The following NELL1 variants were observed in gnomAD, a reference collection of about 807,000 sequenced individuals.
NELL1 encodes neural EGFL like 1, also known as protein kinase C-binding protein NELL1.
Under a neutral mutation model 107.4 loss-of-function variants are expected in NELL1, and 76 were observed. The ratio of observed to expected loss-of-function variants is 0.71; its 90% CI spans 0.59 to 0.86. NELL1 has a LOEUF of 0.86. Among genes scored for constraint, NELL1 ranks in the 40% least tolerant of loss-of-function variants. The pLI, the probability that NELL1 is intolerant of heterozygous loss-of-function variation, is 0.00. For synonymous variants in NELL1, 353 were observed against 341.2 expected (o/e 1.03, Z -0.38); for missense variants, 1,024 against 1,005.5 (o/e 1.02, Z -0.25).
chr11:20,934,859 A>G (rs1162552523), intron 9 of NELL1, among the ~76,000 whole-genome samples: 1 of 152,208 alleles, frequency 6.6e-6, no homozygotes, highest in African/African-American at 2.4e-5. Context: ...CAACTGATTT[A>G]TCTACAAAAT....
intron 15 of NELL1, among the ~76,000 whole-genome samples, chr11:21,392,591 C>G (rs989406336): frequency 6.6e-6 from 1 of 151,722 alleles, no homozygotes; most frequent in Non-Finnish European, 1.5e-5. Context: ...GTATCTTTAA[C>G]CAAAAGCTAG....
intron 4 of NELL1, among the ~76,000 whole-genome samples, chr11:20,852,907 G>A (rs972428321): frequency 1.3e-5 from 2 of 152,236 alleles, no homozygotes; most frequent in Non-Finnish European, 2.9e-5. Flanking sequence ...GGTAAGAGAT[G>A]TGGTAAGGCA....
chr11:20,967,413 C>T (rs936673096), intron 12 of NELL1, among the ~76,000 whole-genome samples: 16 of 152,016 alleles, frequency 1.1e-4, no homozygotes, highest in South Asian at 2.1e-4. Flanking sequence ...TGTAGCACCA[C>T]GATCTTCATG....
chr11:21,572,585 C>T (rs1188400346), intron 18 of NELL1, among the ~76,000 whole-genome samples: 1 of 146,268 alleles, frequency 6.8e-6, no homozygotes, highest in East Asian at 2.0e-4. Context: ...GCCACAGATG[C>T]CAGATGCTGA....
intron 13 of NELL1, among the ~76,000 whole-genome samples, chr11:21,145,483 G>T (rs1178635392): frequency 1.3e-5 from 2 of 152,042 alleles, no homozygotes; most frequent in Non-Finnish European, 2.9e-5. Flanking sequence ...AGAAAGATGT[G>T]GGTTGGTATT....
chr11:21,538,488 TTCTGTCTCTCTC>T lies in NELL1; in HGVS notation c.1786+3988_1786+3999del, dbSNP rs372239668. Among the ~76,000 whole-genome samples the T allele has an allele frequency of 2.3e-3, 352 of 152,260 alleles. 1 individual carries two copies. Among genetic ancestry groups the T allele is most frequent in the African/African-American group, 8.2e-3 (342 of 41,572 alleles). ...TGAAGAGCTTATCAGAGTTAGTCTC[TTCTGTCTCTCTC>T]TCTGTCTCTCTCTTTGTCTGTCTCT... On this transcript the variant is annotated intron_variant, in intron 16 of 19. Coordinates refer to ENST00000357134, the MANE Select transcript of NELL1 (RefSeq NM_006157.5).
chr11:21,253,676 C>G (rs752198967), intron 14 of NELL1, among the ~76,000 whole-genome samples: 4 of 152,084 alleles, frequency 2.6e-5, no homozygotes, highest in Non-Finnish European at 5.9e-5. Context: ...ACAGCCAGTT[C>G]CATATTAGAC....
At chr11:20,728,695 G>T (rs1397742154) in intron 2 of NELL1, among the ~76,000 whole-genome samples, 1 of 151,660 alleles carries the variant, frequency 6.6e-6, no homozygotes, top group Non-Finnish European at 1.5e-5. Context: ...CCAGTATCAT[G>T]CTGTTTTGGT....
chr11:21,316,872 C>T (rs1464564822), intron 14 of NELL1, among the ~76,000 whole-genome samples: 2 of 151,948 alleles, frequency 1.3e-5, no homozygotes, highest in East Asian at 3.9e-4. Flanking sequence ...AGGGGTGGGC[C>T]TTCAGACTAT....
chr11:20,737,285 G>A (rs979766226), intron 2 of NELL1, among the ~76,000 whole-genome samples: 1 of 152,028 alleles, frequency 6.6e-6, no homozygotes, highest in Non-Finnish European at 1.5e-5. Flanking sequence ...ACAAAATTTG[G>A]AACAGGGGTA....
chr11:21,198,663 T>C (rs555763711), intron 13 of NELL1, among the ~76,000 whole-genome samples: 151 of 152,328 alleles, frequency 9.9e-4, no homozygotes, highest in South Asian at 2.3e-3. Context: ...TTCCATCCCA[T>C]GTTTCACTGG....
chr11:21,315,162 C>G (rs562417514), intron 14 of NELL1, among the ~76,000 whole-genome samples: 1 of 152,222 alleles, frequency 6.6e-6, no homozygotes, highest in Admixed American at 6.5e-5. Context: ...TGGCTGAGAG[C>G]TCTTAACCAG....
intron 14 of NELL1, among the ~76,000 whole-genome samples, chr11:21,304,262 C>A (rs931038629): frequency 6.6e-6 from 1 of 151,984 alleles, no homozygotes; most frequent in African/African-American, 2.4e-5. Flanking sequence ...TGTCTAAATG[C>A]GTCCTATGTA....
At chr11:20,810,178 C>A (rs1001931161) in intron 3 of NELL1, among the ~76,000 whole-genome samples, 4 of 151,108 alleles carry the variant, frequency 2.6e-5, no homozygotes, top group Non-Finnish European at 5.9e-5. Context: ...AGGTCTTTTG[C>A]CTATTTGTTA....
intron 7 of NELL1, among the ~76,000 whole-genome samples, chr11:20,920,373 T>C (rs1850351725): frequency 6.6e-6 from 1 of 152,092 alleles, no homozygotes; most frequent in South Asian, 2.1e-4. Context: ...TTTGGACCCA[T>C]GGATTGTGCT....
chr11:21,540,649 G>A (rs1856269651), intron 16 of NELL1, among the ~76,000 whole-genome samples: 1 of 152,006 alleles, frequency 6.6e-6, no homozygotes. Context: ...GGAGCTGGAG[G>A]AAGAGAGTGA....
chr11:21,094,063 G>C (rs1264728911), intron 12 of NELL1, among the ~76,000 whole-genome samples: 1 of 152,204 alleles, frequency 6.6e-6, no homozygotes, highest in Non-Finnish European at 1.5e-5. Context: ...TAATGAGTCT[G>C]TAAAATCAAA....
At chr11:21,550,350 T>C (rs895393872) in intron 16 of NELL1, among the ~76,000 whole-genome samples, 1 of 151,972 alleles carries the variant, frequency 6.6e-6, no homozygotes, top group African/African-American at 2.4e-5. Flanking sequence ...TTTAATTAGG[T>C]CCCGTTTGTC....
chr11:20,996,831 G>A (rs182916379), intron 12 of NELL1, among the ~76,000 whole-genome samples: 8 of 152,008 alleles, frequency 5.3e-5, no homozygotes, highest in East Asian at 1.9e-4. Flanking sequence ...ACCCATCTCC[G>A]TAAAACTGAA....
Sources: gnomAD v4.1 joint callset for allele counts (sites outside exome capture counted in the v4.1 genomes callset) on GRCh38, gnomAD v4.1.1 for gene constraint, MANE v1.5 for transcripts, NCBI Gene and HGNC (gene_info 2026-07-23, HGNC 2026-07-21) for gene names.